KIF26B: variants seen among roughly 807,000 people sequenced by gnomAD.
KIF26B encodes kinesin-like protein KIF26B.
KIF26B carries 63 observed loss-of-function variants against 151.2 expected under a neutral mutation model. The observed-to-expected ratio is 0.42, with a 90% CI of 0.34 to 0.51. KIF26B has a LOEUF of 0.51. KIF26B is among the 20% of genes least tolerant of loss of function. The probability of loss-of-function intolerance (pLI) is 0.07; values close to 1 mark genes in which losing one functional copy is unlikely to be tolerated. For synonymous variants in KIF26B, 1,357 were observed against 1,262.1 expected, an observed-to-expected ratio of 1.08 and a Z score of -1.59; for missense variants, 2,813 against 2,913.6, an observed-to-expected ratio of 0.97 and a Z score of 0.79.
At chr1:245,222,729 A>G (rs1669799391) in intron 2 of KIF26B, among the ~76,000 whole-genome samples, 1 of 152,238 alleles carries the variant, frequency 6.6e-6, no homozygotes, top group African/African-American at 2.4e-5. Flanking sequence ...AGTTTTTCAC[A>G]CAAAATTTTC....
At chr1:245,356,164 G>A (rs1672693361) in intron 2 of KIF26B, among the ~76,000 whole-genome samples, 1 of 152,204 alleles carries the variant, frequency 6.6e-6, no homozygotes, top group South Asian at 2.1e-4. Flanking sequence ...CTGAACACAC[G>A]AGCCCTCCCA....
chr1:245,197,004 A>G (rs1211360471), intron 2 of KIF26B, among the ~76,000 whole-genome samples: 2 of 152,158 alleles, frequency 1.3e-5, no homozygotes, highest in Non-Finnish European at 2.9e-5. Context: ...CCTACTCCTC[A>G]TTGATTCTGT....
chr1:245,357,297 A>C (rs1460385596), intron 2 of KIF26B, among the ~76,000 whole-genome samples: 1 of 152,186 alleles, frequency 6.6e-6, no homozygotes, highest in Non-Finnish European at 1.5e-5. Context: ...AGAAGTTATC[A>C]TTACTATTCA....
intron 5 of KIF26B, among the ~76,000 whole-genome samples, chr1:245,581,513 A>G (rs1451960158): frequency 6.6e-6 from 1 of 152,184 alleles, no homozygotes; most frequent in East Asian, 1.9e-4. Context: ...ACAGCCACCT[A>G]TTCTCTCGCC....
At chr1:245,565,340 G>A (rs1181990103) in intron 5 of KIF26B, among the ~76,000 whole-genome samples, 1 of 151,298 alleles carries the variant, frequency 6.6e-6, no homozygotes, top group Non-Finnish European at 1.5e-5. Context: ...CCAGGCTGGA[G>A]TGCAGTGGCA....
Position 245,646,143 on chromosome 1 carries a change from G to T in KIF26B, c.2121G>T (p.Leu707=), listed in dbSNP as rs376685011. ...KGGMSGGRSR[L]HLIDLGSCVK... ...TAGTGTCTGGAGGTCGCAGCCGCCTGCATCTCATTGATCTCGGCAGCTGTG... is the reference window on the plus strand; with the variant it reads ...TAGTGTCTGGAGGTCGCAGCCGCCTTCATCTCATTGATCTCGGCAGCTGTG... Residue 707 remains leucine (L), a synonymous_variant, in exon 10 of 15, where the codon CTG becomes CTT. Transcript: ENST00000407071. The T allele has an allele frequency of 6.2e-7, 1 of 1,613,932 alleles. No homozygotes were observed. The highest frequency in any genetic ancestry group is 2.2e-5 in the East Asian group (1 of 44,882).
chr1:245,521,761 C>T (rs1419877218), intron 4 of KIF26B, among the ~76,000 whole-genome samples: 1 of 152,220 alleles, frequency 6.6e-6, no homozygotes, highest in Non-Finnish European at 1.5e-5. Flanking sequence ...GAAAGATAGA[C>T]ATGGCTCCTG....
At chr1:245,640,031 A>T (rs1191799321) in intron 9 of KIF26B, among the ~76,000 whole-genome samples, 3 of 149,856 alleles carry the variant, frequency 2.0e-5, no homozygotes, top group Non-Finnish European at 4.5e-5. Flanking sequence ...TTCTGCCTGA[A>T]TGATCCACCT....
chr1:245,396,589 T>C (rs1210171225), intron 3 of KIF26B, among the ~76,000 whole-genome samples: 1 of 150,774 alleles, frequency 6.6e-6, no homozygotes, highest in Non-Finnish European at 1.5e-5. Context: ...TGAGCTGAGA[T>C]GGCGCCACTG....
intron 2 of KIF26B, among the ~76,000 whole-genome samples, chr1:245,327,926 T>C (rs1672024773): frequency 6.6e-6 from 1 of 152,166 alleles, no homozygotes; most frequent in African/African-American, 2.4e-5. Flanking sequence ...ACAAGAATGG[T>C]TCTGACCTGG....
intron 5 of KIF26B, among the ~76,000 whole-genome samples, chr1:245,595,196 C>T (rs1771530): frequency 0.15 from 23,451 of 152,090 alleles, 2,394 homozygotes; most frequent in African/African-American, 0.29. Flanking sequence ...CTTCCAATAC[C>T]ATATTGAATA....
At position 245,581,751 on chromosome 1, in the gene KIF26B, T is replaced by A. The variant is rs145596981; in HGVS notation, c.1351-20826T>A. On this transcript the variant is annotated intron_variant, in intron 5 of 14. Coordinates refer to ENST00000407071, the MANE Select transcript of KIF26B (RefSeq NM_018012.4). ...TTTACCTTTCTGGGTCTCAGGGACCTTGTCTAGAAACCCAACAAGGCAGGC... is the reference window on the plus strand; with the variant it reads ...TTTACCTTTCTGGGTCTCAGGGACCATGTCTAGAAACCCAACAAGGCAGGC... Among the ~76,000 whole-genome samples, 4 of 152,216 alleles carry A rather than the reference T, an allele frequency of 2.6e-5. No individual in the cohort carries two copies. The East Asian group carries it at 7.7e-4, about 29-fold the overall frequency.
intron 5 of KIF26B, among the ~76,000 whole-genome samples, chr1:245,548,162 G>A (rs567085970): frequency 7.9e-5 from 12 of 152,148 alleles, no homozygotes; most frequent in Non-Finnish European, 1.6e-4. Context: ...CTAGTGGAAT[G>A]TTCATTTCAG....
intron 3 of KIF26B, among the ~76,000 whole-genome samples, chr1:245,409,322 G>A (rs1169480967): frequency 6.6e-6 from 1 of 152,168 alleles, no homozygotes; most frequent in Non-Finnish European, 1.5e-5. Flanking sequence ...GCTGAATCTC[G>A]GTCCTTCCTG....
chr1:245,583,268 G>A (rs1025096632), intron 5 of KIF26B, among the ~76,000 whole-genome samples: 1 of 152,206 alleles, frequency 6.6e-6, no homozygotes, highest in African/African-American at 2.4e-5. Flanking sequence ...GAGCTCCAGT[G>A]GTGTGAAAGG....
intron 4 of KIF26B, among the ~76,000 whole-genome samples, chr1:245,533,790 T>C (rs1217961757): frequency 6.7e-6 from 1 of 148,558 alleles, no homozygotes; most frequent in Non-Finnish European, 1.5e-5. Flanking sequence ...ATTATACAAT[T>C]ACAAAAAAAA....
At chr1:245,256,849 A>C (rs1229222856) in intron 2 of KIF26B, among the ~76,000 whole-genome samples, 1 of 152,212 alleles carries the variant, frequency 6.6e-6, no homozygotes, top group African/African-American at 2.4e-5. Context: ...ATTTTGCCTC[A>C]AAATATATTT....
At chr1:245,169,921 T>G (rs1012487825) in intron 2 of KIF26B, among the ~76,000 whole-genome samples, 1 of 152,202 alleles carries the variant, frequency 6.6e-6, no homozygotes, top group Non-Finnish European at 1.5e-5. Flanking sequence ...GATTTATTTA[T>G]GCTGCTCTCT....
chr1:245,627,502 T>C (rs1355851275), intron 9 of KIF26B, among the ~76,000 whole-genome samples: 1 of 152,122 alleles, frequency 6.6e-6, no homozygotes, highest in Non-Finnish European at 1.5e-5. Context: ...GAGGGAAATT[T>C]ATAGCACTAA....
Sources: allele counts gnomAD v4.1 joint callset (sites outside exome capture counted in the v4.1 genomes callset), GRCh38; gene constraint gnomAD v4.1.1; transcripts MANE v1.5; gene names NCBI Gene and HGNC (gene_info 2026-07-23, HGNC 2026-07-21).